Variants in CAST observed in about 807,000 individuals in gnomAD.
CAST encodes MIR583 host.
Under a neutral mutation model 119.6 loss-of-function variants are expected in CAST, and 76 were observed. That is an observed-to-expected ratio of 0.64 (90% CI 0.53 to 0.77). CAST has a LOEUF of 0.77. CAST is among the 30% of genes least tolerant of loss of function. The pLI, the probability that CAST is intolerant of heterozygous loss-of-function variation, is 0.00. For synonymous variants in CAST, 319 were observed against 331.6 expected, an observed-to-expected ratio of 0.96 and a Z score of 0.41; for missense variants, 953 against 946.5, an observed-to-expected ratio of 1.01 and a Z score of -0.09.
the CAST span, among the ~76,000 whole-genome samples, chr5:96,138,658 T>C: frequency 3.3e-5 from 5 of 152,140 alleles, no homozygotes; most frequent in African/African-American, 1.2e-4. Context: ...CAGAATTTCA[T>C]ATTTTTTGAT....
chr5:96,468,730 G>A, the CAST span, among the ~76,000 whole-genome samples: 20 of 152,086 alleles, frequency 1.3e-4, no homozygotes, highest in Admixed American at 2.6e-4. Context: ...GAGTGAGAAT[G>A]TAAGAGGAGC....
the CAST span, among the ~76,000 whole-genome samples, chr5:96,069,655 CTTTTTTT>C: frequency 3.8e-5 from 3 of 78,374 alleles, no homozygotes; most frequent in Admixed American, 3.5e-4. Flanking sequence ...GGTAATTAAA[CTTTTTTT>C]TTTTTTTTTT....
the CAST span, among the ~76,000 whole-genome samples, chr5:96,064,488 A>G: frequency 1.6e-5 from 2 of 121,970 alleles, no homozygotes; most frequent in South Asian, 5.4e-4. Flanking sequence ...TGCAGCCCTC[A>G]TAAAGATTTC....
the CAST span, among the ~76,000 whole-genome samples, chr5:96,126,627 GTTGTAT>G: frequency 6.6e-6 from 1 of 151,916 alleles, no homozygotes; most frequent in African/African-American, 2.4e-5. Context: ...CAAGGTAGCT[GTTGTAT>G]TTGTAAGTAT....
At position 96,695,856 on chromosome 5, in the gene CAST, C is replaced by T; in HGVS notation, c.159C>T (p.Gly53=). Residue 53 remains glycine, a synonymous_variant, in exon 3 of 32, where the codon GGC becomes GGT. Transcript: ENST00000675179. The part of the protein sequence containing the change: ...GSDEKKAASL[G]SSQSSRTYAG... ...TCAAGAAAAAAGCAGCAAGCCTCGG[C>T]AGCAGTCAATCCTCCAGAACCTATG... 6.2e-7 allele frequency: 1 copy of T among 1,612,744 alleles called. No individual in the cohort carries two copies. Among genetic ancestry groups the T allele is most frequent in the Non-Finnish European group, 8.5e-7 (1 of 1,179,018 alleles).
At chr5:96,114,748 G>A in the CAST span, among the ~76,000 whole-genome samples, 1 of 152,222 alleles carries the variant, frequency 6.6e-6, no homozygotes, top group Non-Finnish European at 1.5e-5. Flanking sequence ...GCCTGTCTAA[G>A]ATATAGTTAC....
chr5:96,426,826 T>G, the CAST span, among the ~76,000 whole-genome samples: 1 of 152,046 alleles, frequency 6.6e-6, no homozygotes, highest in Admixed American at 6.6e-5. Flanking sequence ...AACCGAAAAA[T>G]AATTTGCAAC....
the CAST span, among the ~76,000 whole-genome samples, chr5:96,041,137 T>C: frequency 6.6e-6 from 1 of 152,134 alleles, no homozygotes; most frequent in Non-Finnish European, 1.5e-5. Flanking sequence ...GGGTTGCTTA[T>C]AGTAACTTCC....
At chr5:96,760,510 C>T (rs200105909) in intron 24 of CAST, among the ~76,000 whole-genome samples, 1 of 151,796 alleles carries the variant, frequency 6.6e-6, no homozygotes, top group Non-Finnish European at 1.5e-5. Flanking sequence ...AGTTTATTGT[C>T]ATTTCTGCTT....
At chr5:96,691,889 C>G (rs531394958) in intron 2 of CAST, among the ~76,000 whole-genome samples, 1 of 152,272 alleles carries the variant, frequency 6.6e-6, no homozygotes, top group East Asian at 1.9e-4. Flanking sequence ...GGAGCCTTTT[C>G]TAAGATTTTA....
chr5:96,601,216 A>G lies in CAST; in HGVS notation c.60+71336A>G, dbSNP rs115831963. Among the ~76,000 whole-genome samples, 520 of 152,320 alleles carry G rather than the reference A, an allele frequency of 3.4e-3. 4 individuals carry two copies. The highest frequency in any genetic ancestry group is 0.011 in the African/African-American group (475 of 41,574). On this transcript the variant is annotated intron_variant, in intron 1 of 11. Transcript: ENST00000505143. ...ATTACCACCCTTTAAAGACCACAAA[A>G]TGGAAAGGAAATCTGTTTATTAGAA...
the CAST span, among the ~76,000 whole-genome samples, chr5:96,065,480 T>G: frequency 6.6e-6 from 1 of 151,976 alleles, no homozygotes; most frequent in Non-Finnish European, 1.5e-5. Flanking sequence ...TGTTTAAAAC[T>G]TATTCTCTAT....
At chr5:96,018,658 A>G in the CAST span, among the ~76,000 whole-genome samples, 2 of 152,166 alleles carry the variant, frequency 1.3e-5, no homozygotes, top group Non-Finnish European at 2.9e-5. Flanking sequence ...ACTAATGAAC[A>G]CTTTTTCAAG....
At chr5:95,962,621 T>A in the CAST span, among the ~76,000 whole-genome samples, 1 of 152,130 alleles carries the variant, frequency 6.6e-6, no homozygotes, top group East Asian at 1.9e-4. Flanking sequence ...TAAATGCCTT[T>A]CGTATGGTGG....
intron 1 of CAST, among the ~76,000 whole-genome samples, chr5:96,557,149 A>T (rs1746258930): frequency 6.6e-6 from 1 of 152,018 alleles, no homozygotes; most frequent in African/African-American, 2.4e-5. Context: ...CTTTACAGAC[A>T]AGCAAATACT....
At chr5:96,039,597 C>A in the CAST span, among the ~76,000 whole-genome samples, 99 of 152,252 alleles carry the variant, frequency 6.5e-4, no homozygotes, top group Non-Finnish European at 1.2e-3. Context: ...ATATGGCTAG[C>A]CAGTTTTCCC....
At chr5:96,551,779 A>C (rs570324407) in intron 1 of CAST, among the ~76,000 whole-genome samples, 1 of 152,300 alleles carries the variant, frequency 6.6e-6, no homozygotes, top group South Asian at 2.1e-4. Flanking sequence ...CTGTTCTCTA[A>C]TAAAACAGAC....
the CAST span, among the ~76,000 whole-genome samples, chr5:96,031,088 G>A: frequency 6.6e-6 from 1 of 151,878 alleles, no homozygotes; most frequent in Non-Finnish European, 1.5e-5. Flanking sequence ...GAAAACTTAC[G>A]TATCATGTGG....
the CAST span, among the ~76,000 whole-genome samples, chr5:96,258,078 GA>G: frequency 1.3e-5 from 2 of 149,018 alleles, no homozygotes; most frequent in South Asian, 2.1e-4. Flanking sequence ...TCATTTTTTT[GA>G]AAAAAAAAGA....
Sources: allele counts gnomAD v4.1 joint callset (sites outside exome capture counted in the v4.1 genomes callset), GRCh38; gene constraint gnomAD v4.1.1; transcripts MANE v1.5; gene names NCBI Gene and HGNC (gene_info 2026-07-23, HGNC 2026-07-21).